FBXO4: variants seen among roughly 807,000 people sequenced by gnomAD.
FBXO4 encodes the protein F-box protein 4, also known as F-box only protein 4.
In FBXO4, 36 loss-of-function variants were observed where a neutral mutation model predicts 43.7. That is an observed-to-expected ratio of 0.82 (90% CI 0.63 to 1.09). FBXO4 has a LOEUF of 1.09. Among genes scored for constraint, FBXO4 ranks in the 50% least tolerant of loss-of-function variants. FBXO4 has a pLI of 0.00. For missense variants in FBXO4, 435 were observed against 474.1 expected, an observed-to-expected ratio of 0.92 and a Z score of 0.77; for synonymous variants, 180 against 165.6, an observed-to-expected ratio of 1.09 and a Z score of -0.67.
chr5:42,023,586 T>C, the FBXO4 span, among the ~76,000 whole-genome samples: 1 of 151,964 alleles, frequency 6.6e-6, no homozygotes, highest in East Asian at 1.9e-4. Flanking sequence ...CTAAGCTAAG[T>C]GGATATGAAA....
At chr5:42,029,778 T>C in the FBXO4 span, among the ~76,000 whole-genome samples, 1 of 152,106 alleles carries the variant, frequency 6.6e-6, no homozygotes, top group East Asian at 1.9e-4. Context: ...TGCATTTTTT[T>C]CCACTCCAGA....
At chr5:41,965,001 GT>G in the FBXO4 span, among the ~76,000 whole-genome samples, 46 of 152,232 alleles carry the variant, frequency 3.0e-4, no homozygotes, top group African/African-American at 1.1e-3. Flanking sequence ...TTCTTCTAGG[GT>G]TTTTATGGTT....
At chr5:41,996,227 A>G in the FBXO4 span, among the ~76,000 whole-genome samples, 1 of 152,186 alleles carries the variant, frequency 6.6e-6, no homozygotes, top group Non-Finnish European at 1.5e-5. Flanking sequence ...TGATGATGGA[A>G]TGCTGCTGTG....
the FBXO4 span, among the ~76,000 whole-genome samples, chr5:41,958,372 G>T: frequency 6.6e-6 from 1 of 152,162 alleles, no homozygotes; most frequent in African/African-American, 2.4e-5. Flanking sequence ...CTGACCTCGT[G>T]ATCGCCCACC....
the FBXO4 span, among the ~76,000 whole-genome samples, chr5:41,963,225 A>G: frequency 6.6e-6 from 1 of 151,894 alleles, no homozygotes; most frequent in Admixed American, 6.6e-5. Context: ...CACACTACAC[A>G]TAATATATAT....
the FBXO4 span, among the ~76,000 whole-genome samples, chr5:42,014,101 G>A: frequency 6.6e-6 from 1 of 152,112 alleles, no homozygotes; most frequent in Non-Finnish European, 1.5e-5. Flanking sequence ...GGCAGGTGTG[G>A]TTTCTCTCTG....
At chr5:41,967,151 C>T in the FBXO4 span, 2 of 403,962 alleles carry the variant, frequency 5.0e-6, no homozygotes, top group African/African-American at 4.2e-5. Context: ...TTAGTGGCTA[C>T]TCCAAGCTCT....
At chr5:41,948,497 T>C in the FBXO4 span, among the ~76,000 whole-genome samples, 1 of 152,072 alleles carries the variant, frequency 6.6e-6, no homozygotes, top group Non-Finnish European at 1.5e-5. Context: ...TCTTTGTTTA[T>C]CATAGTCTAT....
At chr5:42,016,237 AG>A in the FBXO4 span, among the ~76,000 whole-genome samples, 1 of 152,134 alleles carries the variant, frequency 6.6e-6, no homozygotes, top group Non-Finnish European at 1.5e-5. Flanking sequence ...CTGCAGACAG[AG>A]GTGGCATGTT....
chr5:41,951,619 T>C, the FBXO4 span: 2 of 213,266 alleles, frequency 9.4e-6, no homozygotes, highest in Admixed American at 1.1e-4. Flanking sequence ...TAATCTCCCA[T>C]GGGTGTTCAC....
downstream of FBXO4, among the ~76,000 whole-genome samples, chr5:41,942,428 T>C (rs1752020190): frequency 6.6e-6 from 1 of 150,594 alleles, no homozygotes; most frequent in Admixed American, 6.6e-5. Context: ...GCTATCTTTT[T>C]TTAAAATGGC....
At chr5:41,952,583 C>A in the FBXO4 span, among the ~76,000 whole-genome samples, 2,205 of 152,232 alleles carry the variant, frequency 0.014, 61 homozygotes, top group African/African-American at 0.05. Flanking sequence ...CAAAAAGGAA[C>A]TTTGTGCCTT....
At chr5:41,949,941 C>T in the FBXO4 span, among the ~76,000 whole-genome samples, 1 of 152,098 alleles carries the variant, frequency 6.6e-6, no homozygotes, top group Non-Finnish European at 1.5e-5. Context: ...CTTTGACAAA[C>T]CTGACAAAAA....
intron 1 of FBXO4, among the ~76,000 whole-genome samples, chr5:41,926,605 T>C (rs1050094531): frequency 1.3e-5 from 2 of 152,176 alleles, no homozygotes; most frequent in Non-Finnish European, 2.9e-5. Flanking sequence ...CACTCTTTGA[T>C]TTGGTCTGAT....
the FBXO4 span, among the ~76,000 whole-genome samples, chr5:42,012,496 C>T: frequency 1.3e-5 from 2 of 152,008 alleles, no homozygotes; most frequent in Non-Finnish European, 2.9e-5. Flanking sequence ...CACTGTCTCC[C>T]GTAAATTGGA....
At chr5:42,034,332 T>C in the FBXO4 span, among the ~76,000 whole-genome samples, 1 of 152,242 alleles carries the variant, frequency 6.6e-6, no homozygotes. Context: ...ACTCTGATGA[T>C]AGCTTCTTTT....
At chr5:42,013,027 C>T in the FBXO4 span, among the ~76,000 whole-genome samples, 1 of 152,156 alleles carries the variant, frequency 6.6e-6, no homozygotes, top group African/African-American at 2.4e-5. Context: ...TGGGGGAAGG[C>T]TGGGCACAGT....
the FBXO4 span, among the ~76,000 whole-genome samples, chr5:41,965,471 G>A: frequency 3.9e-5 from 6 of 152,102 alleles, no homozygotes; most frequent in Non-Finnish European, 5.9e-5. Context: ...AAATTACCTC[G>A]GGCAGTATGG....
the FBXO4 span, among the ~76,000 whole-genome samples, chr5:42,016,808 G>A: frequency 6.6e-6 from 1 of 152,154 alleles, no homozygotes; most frequent in South Asian, 2.1e-4. Context: ...ATGATTGGCT[G>A]TGGTTACTCA....
Sources: allele counts gnomAD v4.1 joint callset (sites outside exome capture counted in the v4.1 genomes callset), GRCh38; gene constraint gnomAD v4.1.1; transcripts MANE v1.5; gene names NCBI Gene and HGNC (gene_info 2026-07-23, HGNC 2026-07-21).